SHC4: variants seen among roughly 807,000 people sequenced by gnomAD.
SHC4 encodes SHC adaptor protein 4.
SHC4 carries 41 observed loss-of-function variants against 69.4 expected under a neutral mutation model. The observed-to-expected ratio is 0.59, with a 90% confidence interval of 0.46 to 0.77. The LOEUF (loss-of-function observed/expected upper bound fraction) is 0.77, where lower values mean the gene tolerates loss of function less well. SHC4 is among the 30% of genes least tolerant of loss of function. SHC4 has a pLI of 0.00. For synonymous variants in SHC4, 318 were observed against 299.3 expected (o/e 1.06, Z -0.64); for missense variants, 777 against 783.8 (o/e 0.99, Z 0.10).
chr15:48,826,014 A>G lies in SHC4; in HGVS notation c.1850T>C (p.Val617Ala). The G allele has an allele frequency of 6.2e-7, 1 of 1,613,840 alleles. No individual in the cohort carries two copies. Among genetic ancestry groups the G allele is most frequent in the Non-Finnish European group, 8.5e-7 (1 of 1,179,890 alleles). The change falls in exon 12 of 12, where the codon GTG becomes GCG. Residue 617 changes from valine to alanine, a missense_variant. Transcript: ENST00000332408. The stretch of plus-strand genomic sequence containing the variant: ...AAGTGCTGGATTATTATCTTTTCTC[A>G]CTGGTTGTTTAAGGCTTACTTCGCT... ...SGSEVSLKQP[V>A]RKDNNPALLH...
chr15:48,904,879 T>A (rs1900379422), intron 2 of SHC4, among the ~76,000 whole-genome samples: 1 of 150,354 alleles, frequency 6.7e-6, no homozygotes, highest in Non-Finnish European at 1.5e-5. Flanking sequence ...GCATCTGGGT[T>A]ACAGTATGAG....
intron 5 of SHC4, 41 bp from the exon 6 acceptor site, chr15:48,867,910 C>A: frequency 6.6e-7 from 1 of 1,514,414 alleles, no homozygotes; most frequent in Non-Finnish European, 9.2e-7. Context: ...AATGGATGAA[C>A]TGTACTGTTG....
intron 1 of SHC4, among the ~76,000 whole-genome samples, chr15:48,949,770 T>C (rs1901335576): frequency 1.3e-5 from 2 of 148,300 alleles, no homozygotes; most frequent in South Asian, 4.2e-4. Flanking sequence ...TTAAAAAAAT[T>C]ATATATATGT....
chr15:48,858,099 C>CTAA (rs1404710703), intron 6 of SHC4, among the ~76,000 whole-genome samples: 1 of 152,094 alleles, frequency 6.6e-6, no homozygotes, highest in Non-Finnish European at 1.5e-5. Flanking sequence ...ACTGATTTGA[C>CTAA]TAATAATGTG....
chr15:48,846,647 G>C (rs79060088), intron 9 of SHC4, among the ~76,000 whole-genome samples: 2 of 152,214 alleles, frequency 1.3e-5, no homozygotes, highest in Admixed American at 6.5e-5. Flanking sequence ...CAAATTCCTC[G>C]TGTCCTTGAG....
In SHC4 at chr15:48,878,047, C is replaced by T. The variant is rs1899851500; in HGVS notation, c.841-5905G>A. 1.7e-5 allele frequency: 20 copies of T among 1,194,302 alleles called. No individual in the cohort carries two copies. The South Asian group carries it at 1.9e-4, about 11-fold the overall frequency. The allele number at this position is 1,194,302 out of a possible 1,614,324, so 74.0% of individuals were successfully genotyped here. ...CCACAGTGGCGCGCCAAGTAGGAGG[C>T]GGTACCTGAGGACCACGCCTGCGCG... On this transcript the variant is annotated intron_variant, in intron 4 of 11. Transcript: ENST00000332408.
chr15:48,931,117 CT>C (rs1900956903), intron 1 of SHC4, among the ~76,000 whole-genome samples: 1 of 152,174 alleles, frequency 6.6e-6, no homozygotes, highest in African/African-American at 2.4e-5. Flanking sequence ...AATTCCTCAT[CT>C]TCTCTGACTA....
chr15:48,918,524 G>T (rs1479313412), intron 2 of SHC4, among the ~76,000 whole-genome samples: 1 of 152,024 alleles, frequency 6.6e-6, no homozygotes, highest in Non-Finnish European at 1.5e-5. Flanking sequence ...GTTACCGATT[G>T]TCTTAGATGT....
chr15:48,836,368 T>G (rs576370378), intron 10 of SHC4, among the ~76,000 whole-genome samples: 48 of 152,308 alleles, frequency 3.2e-4, no homozygotes, highest in African/African-American at 1.1e-3. Flanking sequence ...TCTGCTTTAG[T>G]AGTACCCACA....
intron 4 of SHC4, among the ~76,000 whole-genome samples, chr15:48,876,359 T>C (rs1233341969): frequency 1.3e-5 from 2 of 152,148 alleles, no homozygotes; most frequent in African/African-American, 2.4e-5. Flanking sequence ...CATGATCACC[T>C]ATCTCAGCTT....
chr15:48,834,849 T>C lies in SHC4; in HGVS notation c.1657A>G (p.Thr553Ala). Residue 553 changes from threonine (T) to alanine (A), a missense_variant, in exon 11 of 12, where the codon ACA becomes GCA. Coordinates refer to ENST00000332408, the MANE Select transcript of SHC4 (RefSeq NM_203349.4). ...DGDFLVRESA[T>A]SPGQYVLSGL... ...CTCAGCACATATTGGCCAGGGGATG[T>C]TGCACTCTCTCGAACCAAAAAGTCC... The C allele has an allele frequency of 2.1e-5, 34 of 1,614,176 alleles. No individual in the cohort carries two copies. Among genetic ancestry groups the C allele is most frequent in the Non-Finnish European group, 2.8e-5 (33 of 1,180,024 alleles).
chr15:48,941,611 C>T (rs2141033983), intron 1 of SHC4, among the ~76,000 whole-genome samples: 1 of 152,074 alleles, frequency 6.6e-6, no homozygotes, highest in South Asian at 2.1e-4. Flanking sequence ...TGAAGACTAC[C>T]CATGAAATGT....
chr15:48,862,273 C>T (rs1899461987), intron 6 of SHC4, among the ~76,000 whole-genome samples: 1 of 151,842 alleles, frequency 6.6e-6, no homozygotes. Flanking sequence ...CAGTCCAGTC[C>T]TATTCACAGA....
chr15:48,922,530 C>G (rs567768474), intron 2 of SHC4, among the ~76,000 whole-genome samples: 2 of 152,224 alleles, frequency 1.3e-5, no homozygotes, highest in Admixed American at 6.5e-5. Flanking sequence ...CTTGCTGCAT[C>G]CTCACATGCT....
At chr15:48,950,514 G>C (rs1353328390) in intron 1 of SHC4, among the ~76,000 whole-genome samples, 1 of 152,122 alleles carries the variant, frequency 6.6e-6, no homozygotes, top group African/African-American at 2.4e-5. Context: ...TAGTAGCAGA[G>C]TTTCCCAACC....
At chr15:48,862,556 T>G (rs1393731784) in intron 6 of SHC4, among the ~76,000 whole-genome samples, 4 of 151,868 alleles carry the variant, frequency 2.6e-5, no homozygotes, top group Admixed American at 6.6e-5. Flanking sequence ...AAAGGAAGAG[T>G]GGGAAGCTTC....
At position 48,962,661 on chromosome 15, in the gene SHC4, G is replaced by T; in HGVS notation, c.355C>A (p.Leu119Ile). Reference protein sequence around the residue: ...LGTKEVPRLKLQESRDPGSSG... With the variant: ...LGTKEVPRLKIQESRDPGSSG... ...GAACCTGGGTCCCGGCTTTCCTGGAGCTTCAGCCGAGGCACCTCTTTGGTA... is the reference window on the plus strand; with the variant it reads ...GAACCTGGGTCCCGGCTTTCCTGGATCTTCAGCCGAGGCACCTCTTTGGTA... Residue 119 changes from leucine to isoleucine, a missense_variant, in exon 1 of 12, where the codon CTC (leucine) becomes ATC (isoleucine). Coordinates refer to ENST00000332408, the MANE Select transcript of SHC4 (RefSeq NM_203349.4). 6.2e-7 allele frequency: 1 copy of T among 1,614,216 alleles called. No individual in the cohort carries two copies.
chr15:48,877,586 A>C, intron 4 of SHC4: 1 of 985,196 alleles, frequency 1.0e-6, no homozygotes, highest in Non-Finnish European at 1.2e-6. Flanking sequence ...TAATAGTGGA[A>C]AGATACCTCC....
rs374631372 is a variant in SHC4 at position 48,856,121 on chromosome 15, C to T, written c.1074G>A (p.Glu358=). ...NPSLNTSCES[E]EVHIDSHAEE... is the part of the protein sequence containing the mutation. ...CGGCATGGCTATCAATATGCACCTCCTCACTGTGAAGGAAAAAAGAATCCT... is the reference window on the plus strand; with the variant it reads ...CGGCATGGCTATCAATATGCACCTCTTCACTGTGAAGGAAAAAAGAATCCT... Residue 358 remains glutamate (E), a synonymous_variant, in exon 8 of 12, where the codon GAG becomes GAA. Coordinates refer to ENST00000332408, the MANE Select transcript of SHC4 (RefSeq NM_203349.4). The T allele has an allele frequency of 3.1e-6, 5 of 1,609,970 alleles. No homozygotes were observed. The highest frequency in any genetic ancestry group is 4.2e-6 in the Non-Finnish European group (5 of 1,178,136).
Sources: allele counts gnomAD v4.1 joint callset (sites outside exome capture counted in the v4.1 genomes callset), GRCh38; gene constraint gnomAD v4.1.1; transcripts MANE v1.5; gene names NCBI Gene and HGNC (gene_info 2026-07-23, HGNC 2026-07-21).